CA5B: variants seen among roughly 807,000 people sequenced by gnomAD.
The protein encoded by CA5B is carbonic anhydrase 5B, mitochondrial.
A neutral mutation model predicts 23.1 loss-of-function variants in CA5B; 15 were observed. The ratio of observed to expected loss-of-function variants is 0.65; its 90% confidence interval spans 0.43 to 1.00. The LOEUF (loss-of-function observed/expected upper bound fraction) is 1.00, where lower values mean the gene tolerates loss of function less well. CA5B is among the 50% of genes least tolerant of loss of function. The pLI, the probability that CA5B is intolerant of heterozygous loss-of-function variation, is 0.00. For missense variants in CA5B, 236 were observed against 252.2 expected (o/e 0.94, Z 0.43); for synonymous variants, 84 against 98.5 (o/e 0.85, Z 0.87).
intron 1 of CA5B, among the ~76,000 whole-genome samples, chrX:15,746,022 C>CTTTTTTTTTT (rs11304971): frequency 1.9e-5 from 1 of 53,405 alleles, no homozygotes; most frequent in Non-Finnish European, 3.4e-5. Flanking sequence ...GCGTCAACTT[C>CTTTTTTTTTT]TTTTTTTTTT....
chrX:15,757,129 A>G (rs922286633), intron 2 of CA5B, among the ~76,000 whole-genome samples: 9 of 109,837 alleles, frequency 8.2e-5, no homozygotes, highest in African/African-American at 3.0e-4. Flanking sequence ...TAATCCCAGC[A>G]CTTTGGGAGG....
In CA5B at chrX:15,764,944, T is replaced by TA. The variant is rs1457170790; in HGVS notation, c.340+170dup. 3.9e-6 allele frequency: 3 copies of TA among 778,534 alleles called. No individual in the cohort carries two copies. The African/African-American group carries it at 6.3e-5, about 16-fold the overall frequency. The allele number at this position is 778,534 out of a possible 1,213,427, so 64.2% of individuals were successfully genotyped here. ...GTGAAAAAAAATTCCTTCTAGTTTT[T>TA]ATGCATATTTTCTTCAACTAGTATA... On this transcript the variant is annotated intron_variant, in intron 3 of 7. Transcript: ENST00000318636.
At chrX:15,751,661 G>A (rs780977017) in intron 2 of CA5B, among the ~76,000 whole-genome samples, 1 of 110,494 alleles carries the variant, frequency 9.1e-6, no homozygotes, top group Non-Finnish European at 1.9e-5. Flanking sequence ...GGGAGGGGCA[G>A]TTTTACTTAG....
At chrX:15,758,476 C>T (rs1029402373) in intron 2 of CA5B, among the ~76,000 whole-genome samples, 1 of 111,732 alleles carries the variant, frequency 8.9e-6, no homozygotes, top group African/African-American at 3.3e-5. Flanking sequence ...AGGATTTCAG[C>T]GTGTACATTT....
At chrX:15,756,639 G>T (rs200808926) in intron 2 of CA5B, among the ~76,000 whole-genome samples, 1 of 112,705 alleles carries the variant, frequency 8.9e-6, no homozygotes, top group African/African-American at 3.2e-5. Flanking sequence ...GGCCAGGTGT[G>T]GGGGCTCATG....
chrX:15,787,116 CCT>C lies in CA5B; in HGVS notation c.*4453_*4454del, dbSNP rs746370420. The C allele has an allele frequency of 8.9e-6, 1 of 111,889 alleles. No individual in the cohort carries two copies. Among genetic ancestry groups the C allele is most frequent in the Non-Finnish European group, 1.9e-5 (1 of 53,157 alleles). The allele number at this position is 111,889 out of a possible 1,213,427, so 9.2% of individuals were successfully genotyped here. A position where few individuals can be genotyped will look rare whatever the true frequency, so the allele number is the denominator to read the frequency against. ...TGTACGTGCCCCACTTGCACCACAG[CCT>C]GCCTTGGGTTATATACCATAGGAGC... On this transcript the variant is annotated 3_prime_UTR_variant, in exon 8 of 8. Coordinates refer to ENST00000318636, the MANE Select transcript of CA5B (RefSeq NM_007220.4).
At position 15,786,904 on chromosome X, in the gene CA5B, G is replaced by A. The variant is rs1433045791; in HGVS notation, c.*4240G>A. 8.9e-6 allele frequency: 1 copy of A among 111,741 alleles called. No individual in the cohort carries two copies. The highest frequency in any genetic ancestry group is 1.9e-5 in the Non-Finnish European group (1 of 53,174). 9.2% of individuals were successfully genotyped at this position (111,741 alleles called of 1,213,427 possible). A position where few individuals can be genotyped will look rare whatever the true frequency, so the allele number is the denominator to read the frequency against. ...GGCTACATGGTGCCAAGCAGGTTCA[G>A]TGTACACTGGTTACCAACCTGTCTG... On this transcript the variant is annotated 3_prime_UTR_variant, in exon 8 of 8. Coordinates refer to ENST00000318636, the MANE Select transcript of CA5B (RefSeq NM_007220.4).
At chrX:15,738,856 C>T (rs949747736) in intron 1 of CA5B, among the ~76,000 whole-genome samples, 1 of 111,551 alleles carries the variant, frequency 9.0e-6, no homozygotes, top group Non-Finnish European at 1.9e-5. Flanking sequence ...ACCCACTATG[C>T]TAGGGGCTGT....
chrX:15,738,722 AGAAAGTCCAGCCTTCTGT>A (rs1931060497), intron 1 of CA5B, among the ~76,000 whole-genome samples: 1 of 111,477 alleles, frequency 9.0e-6, no homozygotes, highest in African/African-American at 3.3e-5. Context: ...AAATAACTCC[AGAAAGTCCAGCCTTCTGT>A]GAAATAGCTA....
At chrX:15,770,269 G>A (rs773477465) in intron 3 of CA5B, among the ~76,000 whole-genome samples, 14 of 110,701 alleles carry the variant, frequency 1.3e-4, no homozygotes, top group Middle Eastern at 4.2e-3. Flanking sequence ...AGGCGAGATC[G>A]TGCCACTGCA....
intron 2 of CA5B, among the ~76,000 whole-genome samples, chrX:15,760,678 G>A (rs1931587265): frequency 9.0e-6 from 1 of 111,514 alleles, no homozygotes; most frequent in Admixed American, 9.6e-5. Flanking sequence ...CTCATTGAAT[G>A]GCTTTGAAGA....
In CA5B at chrX:15,767,770, A is replaced by G. The variant is rs755817679; in HGVS notation, c.340+2995A>G. ...CACCCTGCTAATTTTCGGTATTTGT[A>G]GTAGAGACAGGGTTTCACCATGTTG... On this transcript the variant is annotated intron_variant, in intron 3 of 7. Transcript: ENST00000318636. Among the ~76,000 whole-genome samples the G allele has an allele frequency of 3.2e-3, 339 of 107,073 alleles. 3 individuals are homozygous for G. Among genetic ancestry groups the G allele is most frequent in the African/African-American group, 0.011 (322 of 29,223 alleles). 93.0% of individuals were successfully genotyped at this position (107,073 alleles called of 115,157 possible).
chrX:15,751,712 T>C (rs1441065385), intron 2 of CA5B, among the ~76,000 whole-genome samples: 1 of 111,102 alleles, frequency 9.0e-6, no homozygotes, highest in East Asian at 2.8e-4. Flanking sequence ...GTTTCTAAGT[T>C]ACTAGGAAAA....
At chrX:15,776,358 G>GA (rs1184265641) in intron 6 of CA5B, among the ~76,000 whole-genome samples, 1 of 92,462 alleles carries the variant, frequency 1.1e-5, no homozygotes, top group African/African-American at 3.9e-5. Context: ...AAAAAAAAAA[G>GA]AAAAAAGAAA....
At chrX:15,746,128 C>G (rs1412622390) in intron 1 of CA5B, among the ~76,000 whole-genome samples, 1 of 104,656 alleles carries the variant, frequency 9.6e-6, no homozygotes, top group African/African-American at 3.5e-5. Flanking sequence ...TCACTGCAAC[C>G]TACACCTCCC....
At chrX:15,746,013 C>T (rs1389255707) in intron 1 of CA5B, among the ~76,000 whole-genome samples, 2 of 102,495 alleles carry the variant, frequency 2.0e-5, no homozygotes, top group South Asian at 4.4e-4. Context: ...CCACAGAAAG[C>T]GTCAACTTCT....
At chrX:15,763,392 G>A (rs893914072) in intron 2 of CA5B, among the ~76,000 whole-genome samples, 1 of 112,397 alleles carries the variant, frequency 8.9e-6, no homozygotes, top group Admixed American at 9.4e-5. Flanking sequence ...TCTCGATGAA[G>A]AAAAGAAACT....
At chrX:15,769,368 T>C in intron 3 of CA5B, 2 of 432,632 alleles carry the variant, frequency 4.6e-6, no homozygotes, top group Non-Finnish European at 5.8e-6. Context: ...AGGACACCGT[T>C]ACTGATTTGA....
intron 7 of CA5B, among the ~76,000 whole-genome samples, chrX:15,781,372 G>A (rs1174714536): frequency 3.6e-5 from 4 of 111,924 alleles, no homozygotes; most frequent in Non-Finnish European, 7.5e-5. Context: ...GATATTCTGG[G>A]TTGCTCCTTT....
Sources: gnomAD v4.1 joint callset for allele counts (sites outside exome capture counted in the v4.1 genomes callset) on GRCh38, gnomAD v4.1.1 for gene constraint, MANE v1.5 for transcripts, NCBI Gene and HGNC (gene_info 2026-07-23, HGNC 2026-07-21) for gene names.